Variants in CEP85L observed in about 807,000 individuals in gnomAD.
CEP85L encodes centrosomal protein of 85 kDa-like.
CEP85L carries 60 observed loss-of-function variants against 100.3 expected under a neutral mutation model. The observed-to-expected ratio is 0.60, with a 90% confidence interval of 0.49 to 0.74. The LOEUF (loss-of-function observed/expected upper bound fraction) is 0.74, where lower values mean the gene tolerates loss of function less well. CEP85L is among the 30% of genes least tolerant of loss of function. CEP85L has a pLI of 0.00. For synonymous variants in CEP85L, 319 were observed against 322.7 expected (o/e 0.99, Z 0.12); for missense variants, 973 against 936.2 (o/e 1.04, Z -0.51).
chr6:118,467,595 G>A (rs889880299), intron 12 of CEP85L, among the ~76,000 whole-genome samples: 6 of 152,168 alleles, frequency 3.9e-5, no homozygotes, highest in Admixed American at 1.3e-4. Context: ...GGAGGTGGGC[G>A]TGGTAAGATT....
At chr6:118,592,326 G>GGT (rs1337028410) in intron 2 of CEP85L, among the ~76,000 whole-genome samples, 23 of 141,032 alleles carry the variant, frequency 1.6e-4, no homozygotes, top group African/African-American at 6.2e-4. Context: ...ACATCCTCTA[G>GGT]GTCTTTTTTT....
intron 3 of CEP85L, among the ~76,000 whole-genome samples, chr6:118,546,681 C>A (rs931371153): frequency 1.3e-5 from 2 of 152,082 alleles, no homozygotes; most frequent in African/African-American, 4.8e-5. Flanking sequence ...CCTGTCTATT[C>A]TTTAGCAGCT....
At chr6:118,535,310 T>C (rs1474846719) in intron 3 of CEP85L, among the ~76,000 whole-genome samples, 2 of 152,156 alleles carry the variant, frequency 1.3e-5, no homozygotes, top group Non-Finnish European at 2.9e-5. Flanking sequence ...TCTGATTCTA[T>C]ACATAGGGCT....
intron 4 of CEP85L, among the ~76,000 whole-genome samples, chr6:118,516,284 G>A (rs1007952526): frequency 2.6e-5 from 4 of 152,076 alleles, no homozygotes; most frequent in East Asian, 3.9e-4. Context: ...GGGATTGCTG[G>A]GTCAAATGGT....
chr6:118,483,888 A>T, intron 6 of CEP85L, 30 bp from the exon 7 acceptor site: 1 of 1,596,756 alleles, frequency 6.3e-7, no homozygotes, highest in South Asian at 1.1e-5. Flanking sequence ...AACCTTCAGT[A>T]GTTTTCAGTC....
intron 4 of CEP85L, among the ~76,000 whole-genome samples, chr6:118,511,965 G>GA (rs544839945): frequency 0.048 from 6,458 of 134,260 alleles, 166 homozygotes; most frequent in African/African-American, 0.08. Flanking sequence ...TTACAAGAAA[G>GA]AAAAAAAAAA....
intron 1 of CEP85L, among the ~76,000 whole-genome samples, chr6:118,682,570 C>T (rs1776700987): frequency 6.6e-6 from 1 of 152,050 alleles, no homozygotes; most frequent in African/African-American, 2.4e-5. Flanking sequence ...AGGAATGCTT[C>T]ACTGTGGAAA....
rs1781693446 is a variant in CEP85L, at chr6:118,600,303, GTGTGTGTGTGTGTGTGTGT to G, written c.232+32131_232+32149del. On this transcript the variant is annotated intron_variant, in intron 2 of 12. Coordinates refer to ENST00000368491, the MANE Select transcript of CEP85L (RefSeq NM_001042475.3). ...CCTGTCCCTGAGCCTTCCTGGGGGT[GTGTGTGTGTGTGTGTGTGT>G]GTGTGTGTGTGTGTGTGTGTGTGTG... is the stretch of plus-strand genomic sequence containing the variant. Among the ~76,000 whole-genome samples, 25 of 34,002 alleles carry G rather than the reference GTGTGTGTGTGTGTGTGTGT, an allele frequency of 7.4e-4. 3 individuals carry two copies. Among genetic ancestry groups the G allele is most frequent in the South Asian group, 2.8e-3 (2 of 722 alleles). The allele number at this position is 34,002 out of a possible 152,430, so 22.3% of individuals were successfully genotyped here. A position where few individuals can be genotyped will look rare whatever the true frequency, so the allele number is the denominator to read the frequency against.
intron 1 of CEP85L, among the ~76,000 whole-genome samples, chr6:118,634,898 G>A (rs1171930906): frequency 6.6e-6 from 1 of 151,880 alleles, no homozygotes; most frequent in East Asian, 1.9e-4. Flanking sequence ...ATATGTAAAT[G>A]AAAAAATAAA....
intron 1 of CEP85L, among the ~76,000 whole-genome samples, chr6:118,666,839 T>A (rs750363265): frequency 1.3e-5 from 2 of 151,914 alleles, no homozygotes; most frequent in Non-Finnish European, 2.9e-5. Context: ...CCCAGCATGG[T>A]TTGGAAACTC....
intron 3 of CEP85L, among the ~76,000 whole-genome samples, chr6:118,556,051 C>T (rs62422177): frequency 2.0e-5 from 3 of 152,136 alleles, no homozygotes; most frequent in Non-Finnish European, 4.4e-5. Context: ...CAGTCTGTCA[C>T]TGATGAGCAC....
intron 3 of CEP85L, among the ~76,000 whole-genome samples, chr6:118,541,990 T>C (rs1777921983): frequency 2.0e-5 from 3 of 152,158 alleles, no homozygotes; most frequent in Admixed American, 2.0e-4. Flanking sequence ...CAGCCTTACA[T>C]GAACTAATGT....
intron 3 of CEP85L, among the ~76,000 whole-genome samples, chr6:118,557,755 C>A (rs1246563283): frequency 1.3e-5 from 2 of 152,094 alleles, no homozygotes. Flanking sequence ...TTGGTAAAGT[C>A]TACGGTGATC....
intron 2 of CEP85L, among the ~76,000 whole-genome samples, chr6:118,586,029 A>G (rs1780839382): frequency 6.6e-6 from 1 of 152,218 alleles, no homozygotes; most frequent in Non-Finnish European, 1.5e-5. Context: ...AAGTACCTTC[A>G]AAGTGACAAT....
At chr6:118,511,978 A>C (rs545578865) in intron 4 of CEP85L, among the ~76,000 whole-genome samples, 5 of 151,664 alleles carry the variant, frequency 3.3e-5, no homozygotes, top group African/African-American at 7.3e-5. Flanking sequence ...AAAAAAAAAA[A>C]CCCTTCCTTT....
chr6:118,492,619 G>A (rs541474418), intron 5 of CEP85L, among the ~76,000 whole-genome samples: 1 of 152,234 alleles, frequency 6.6e-6, no homozygotes, highest in East Asian at 1.9e-4. Flanking sequence ...GTTAAGTGCT[G>A]TAAAAAGATA....
chr6:118,673,525 G>A (rs541981325), intron 1 of CEP85L, among the ~76,000 whole-genome samples: 2 of 152,314 alleles, frequency 1.3e-5, no homozygotes, highest in South Asian at 4.1e-4. Context: ...CATATAGACA[G>A]CGTACTGAGT....
intron 2 of CEP85L, among the ~76,000 whole-genome samples, chr6:118,604,539 A>G (rs1449738592): frequency 1.3e-5 from 2 of 152,224 alleles, no homozygotes; most frequent in Non-Finnish European, 2.9e-5. Context: ...CACCTTGCAT[A>G]TAGAACTGTT....
intron 3 of CEP85L, among the ~76,000 whole-genome samples, chr6:118,557,769 C>T (rs1778963572): frequency 6.6e-6 from 1 of 152,190 alleles, no homozygotes; most frequent in Non-Finnish European, 1.5e-5. Context: ...GGTGATCATA[C>T]AAATGCATGA....
Sources: gnomAD v4.1 joint callset for allele counts (sites outside exome capture counted in the v4.1 genomes callset) on GRCh38, gnomAD v4.1.1 for gene constraint, MANE v1.5 for transcripts, NCBI Gene and HGNC (gene_info 2026-07-23, HGNC 2026-07-21) for gene names.